The following PRPF40B variants were observed in gnomAD, a reference collection of about 807,000 sequenced individuals.
PRPF40B encodes the protein pre-mRNA processing factor 40B.
Under a neutral mutation model 124.5 loss-of-function variants are expected in PRPF40B, and 56 were observed. The observed-to-expected ratio is 0.45, with a 90% confidence interval of 0.36 to 0.56. The LOEUF is 0.56. Among genes scored for constraint, PRPF40B ranks in the 20% least tolerant of loss-of-function variants. The probability of loss-of-function intolerance (pLI) is 0.00; values close to 1 mark genes in which losing one functional copy is unlikely to be tolerated. For synonymous variants in PRPF40B, 443 were observed against 426.4 expected (o/e 1.04, Z -0.48); for missense variants, 1,053 against 1,169.5 (o/e 0.90, Z 1.45).
chr12:49,642,230 C>A lies in PRPF40B; in HGVS notation c.1885-5C>A, dbSNP rs774645544. 29 of 1,614,018 alleles carry A rather than the reference C, an allele frequency of 1.8e-5. 1 individual carries two copies. The highest frequency in any genetic ancestry group is 2.4e-5 in the Non-Finnish European group (28 of 1,180,016). ...GACCCTGTTCCGTGTCCCTTCTTTCCTCAGCTGCTGGAGAAAGCAGAGGCA... is the reference window on the plus strand; with the variant it reads ...GACCCTGTTCCGTGTCCCTTCTTTCATCAGCTGCTGGAGAAAGCAGAGGCA... On this transcript the variant is annotated splice_region_variant and splice_polypyrimidine_tract_variant and intron_variant, in intron 19 of 25. Transcript: ENST00000548825. This position sits in a 1 kb window ranked among gnomAD's most constrained non-coding sequence, Gnocchi z 5.8.
chr12:49,624,802 G>A (rs1271671441), intron 1 of PRPF40B, among the ~76,000 whole-genome samples: 3 of 149,416 alleles, frequency 2.0e-5, no homozygotes, highest in African/African-American at 7.5e-5. Context: ...CTGAGATCGC[G>A]CCATTGCACT....
chr12:49,644,058 C>T, intron 25 of PRPF40B, 42 bp from the exon 26 acceptor site: 1 of 1,614,192 alleles, frequency 6.2e-7, no homozygotes, highest in African/African-American at 1.3e-5. Context: ...TTCCACGGCC[C>T]TTAGTGCAGG....
intron 1 of PRPF40B, chr12:49,624,083 C>T: frequency 1.0e-6 from 1 of 986,596 alleles, no homozygotes; most frequent in Non-Finnish European, 1.2e-6. Context: ...TTTGCAAGAG[C>T]TTGTCTCCTG....
chr12:49,628,120 C>T (rs1337479799), intron 1 of PRPF40B, among the ~76,000 whole-genome samples: 1 of 152,126 alleles, frequency 6.6e-6, no homozygotes, highest in Non-Finnish European at 1.5e-5. Flanking sequence ...ACTTCCCATG[C>T]TGAGGAAAGC....
At chr12:49,625,956 C>G (rs1040977387) in intron 1 of PRPF40B, among the ~76,000 whole-genome samples, 1 of 152,220 alleles carries the variant, frequency 6.6e-6, no homozygotes, top group Non-Finnish European at 1.5e-5. Flanking sequence ...TTCCATTGTT[C>G]TGTCCTCTGT....
At position 49,642,618 on chromosome 12, in the gene PRPF40B, G is replaced by C; in HGVS notation, c.2061G>C (p.Gln687His). 1 of 1,614,242 alleles carries C rather than the reference G, an allele frequency of 6.2e-7. No homozygotes were observed. Among genetic ancestry groups the C allele is most frequent in the South Asian group, 1.1e-5 (1 of 91,088 alleles). Residue 687 changes from glutamine (Q) to histidine (H), a missense_variant, in exon 21 of 26, where the codon CAG becomes CAC. Gln to His is a conservative substitution (Grantham distance 24). Around this residue, in one of 2 missense-constraint regions of PRPF40B, gnomAD observed 895 missense variants for 1,052.2 expected, o/e 0.85. Coordinates refer to ENST00000548825, the MANE Select transcript of PRPF40B (RefSeq NM_001031698.3). This position sits in a 1 kb window ranked among gnomAD's most constrained non-coding sequence, Gnocchi z 5.8. ...ERFVCDSAFE[Q>H]ITLESERIRL... ...TTGTGTGTGACTCAGCCTTTGAGCA[G>C]ATCACCCTGGAGTCGGAGCGGATCC...
intron 1 of PRPF40B, among the ~76,000 whole-genome samples, chr12:49,627,283 G>T (rs1408044064): frequency 6.6e-6 from 1 of 152,026 alleles, no homozygotes; most frequent in Non-Finnish European, 1.5e-5. Context: ...GGCAGCATTT[G>T]TTTTTTATTC....
intron 5 of PRPF40B, 71 bp from the exon 6 acceptor site, chr12:49,632,784 G>T: frequency 6.2e-7 from 1 of 1,607,928 alleles, no homozygotes; most frequent in South Asian, 1.1e-5. Context: ...GCTGGAATAC[G>T]GGAGGCATAG....
rs1250879864 is a variant in PRPF40B at position 49,636,609 on chromosome 12, G to A, written c.1427-107G>A. 2.7e-6 allele frequency: 4 copies of A among 1,502,690 alleles called. No homozygotes were observed. In the African/African-American group the frequency reaches 5.5e-5, roughly 21 times the overall value. 93.1% of individuals were successfully genotyped at this position (1,502,690 alleles called of 1,614,324 possible). On this transcript the variant is annotated intron_variant, in intron 15 of 25. Coordinates refer to ENST00000548825, the MANE Select transcript of PRPF40B (RefSeq NM_001031698.3). The stretch of plus-strand genomic sequence containing the variant: ...CCAGGCCCTTCCCCCACCACCCTGG[G>A]TATCCCTAGCACCTGTAGGACAGCA...
In PRPF40B at chr12:49,631,446, C is replaced by A; in HGVS notation, c.130C>A (p.Pro44Thr). The change falls in exon 3 of 26, where the codon CCC becomes ACC. Residue 44 changes from proline to threonine, a missense_variant. Transcript: ENST00000548825. This position sits in a 1 kb window ranked among gnomAD's most constrained non-coding sequence, Gnocchi z 4.3. The part of the protein sequence containing the change: ...IPPPFPPMGL[P>T]PMSQRPPAIP... ...CCCACCCTTTCCTCCGATGGGGCTA[C>A]CCCCCATGAGTCAGAGACCACCAGC... is the stretch of plus-strand genomic sequence containing the variant. 1.4e-6 allele frequency: 2 copies of A among 1,385,322 alleles called. No homozygotes were observed. The highest frequency in any genetic ancestry group is 1.9e-6 in the Non-Finnish European group (2 of 1,032,580). 85.8% of individuals were successfully genotyped at this position (1,385,322 alleles called of 1,614,324 possible). A position where few individuals can be genotyped will look rare whatever the true frequency, so the allele number is the denominator to read the frequency against.
chr12:49,631,393 AT>A lies in PRPF40B; in HGVS notation c.85-5del. On this transcript the variant is annotated splice_polypyrimidine_tract_variant and splice_region_variant and intron_variant, in intron 2 of 25. Transcript: ENST00000548825. The surrounding 1 kb of genome is among the most constrained non-coding windows in gnomAD (Gnocchi z 4.3). ...CTGCTCAGTATCTCTTCCTTTACTC[AT>A]TTCCAGATGCCCCCTCCAGGGATCC... 1 of 1,510,326 alleles carries A rather than the reference AT, an allele frequency of 6.6e-7. No individual in the cohort carries two copies. Among genetic ancestry groups the A allele is most frequent in the Non-Finnish European group, 8.8e-7 (1 of 1,132,730 alleles). The allele number at this position is 1,510,326 out of a possible 1,614,324, so 93.6% of individuals were successfully genotyped here. A position where few individuals can be genotyped will look rare whatever the true frequency, so the allele number is the denominator to read the frequency against.
chr12:49,628,176 C>T (rs972657328), intron 1 of PRPF40B, among the ~76,000 whole-genome samples: 1 of 152,170 alleles, frequency 6.6e-6, no homozygotes, highest in Non-Finnish European at 1.5e-5. Context: ...AGCAGTTGAG[C>T]ACTTAGAAAA....
rs779858010 is a variant in PRPF40B, at chr12:49,643,676, T to A, written c.2381-15T>A. 6.2e-7 allele frequency: 1 copy of A among 1,611,760 alleles called. No homozygotes were observed. The highest frequency in any genetic ancestry group is 1.3e-5 in the African/African-American group (1 of 74,584). Reference sequence around the variant, plus strand: ...TTCTCCTGTTGGGACTTAGTAGGGATTTTTCTATCTCTAGATCATGGCCTT... The same window carrying A: ...TTCTCCTGTTGGGACTTAGTAGGGAATTTTCTATCTCTAGATCATGGCCTT... On this transcript the variant is annotated splice_polypyrimidine_tract_variant and intron_variant, in intron 23 of 25. Coordinates refer to ENST00000548825, the MANE Select transcript of PRPF40B (RefSeq NM_001031698.3).
At position 49,634,354 on chromosome 12, in the gene PRPF40B, C is replaced by G; in HGVS notation, c.835C>G (p.Gln279Glu). 3 of 1,614,210 alleles carry G rather than the reference C, an allele frequency of 1.9e-6. No individual in the cohort carries two copies. Among genetic ancestry groups the G allele is most frequent in the Non-Finnish European group, 2.5e-6 (3 of 1,180,030 alleles). The change falls in exon 11 of 26, where the codon CAG (glutamine) becomes GAG (glutamate). Residue 279 changes from glutamine to glutamate, a missense_variant. Coordinates refer to ENST00000548825, the MANE Select transcript of PRPF40B (RefSeq NM_001031698.3). Reference protein sequence around the residue: ...PSSSGQHQPQQEEEESKPEPE... With the variant: ...PSSSGQHQPQEEEEESKPEPE... ...CAGTTCTGGACAGCATCAGCCACAG[C>G]AGGAGGAGGAGGAATCAAAGCCAGA...
intron 1 of PRPF40B, 111 bp from the exon 2 acceptor site, chr12:49,630,434 C>A: frequency 2.8e-6 from 2 of 701,816 alleles, no homozygotes; most frequent in Non-Finnish European, 5.2e-6. Flanking sequence ...GGCTTGAAGA[C>A]CCTCCTGAAT....
Position 49,635,308 on chromosome 12 carries a change from C to G in PRPF40B, c.1166+45C>G, listed in dbSNP as rs372878973. On this transcript the variant is annotated intron_variant, in intron 13 of 25. Coordinates refer to ENST00000548825, the MANE Select transcript of PRPF40B (RefSeq NM_001031698.3). The surrounding 1 kb of genome is among the most constrained non-coding windows in gnomAD (Gnocchi z 4.1). Reference sequence around the variant, plus strand: ...CTGGGACTTGGGAACCCTGAGAACACAAAGGTCCAGGGTCTCTGTTCTCTG... The same window carrying G: ...CTGGGACTTGGGAACCCTGAGAACAGAAAGGTCCAGGGTCTCTGTTCTCTG... The G allele has an allele frequency of 6.2e-7, 1 of 1,608,788 alleles. No homozygotes were observed. The highest frequency in any genetic ancestry group is 1.3e-5 in the African/African-American group (1 of 74,716).
intron 18 of PRPF40B, chr12:49,639,204 G>A (rs1253035753): frequency 3.3e-5 from 5 of 152,180 alleles, no homozygotes; most frequent in Non-Finnish European, 5.9e-5. Flanking sequence ...TCTAGAGTAC[G>A]TACTTATGTC....
rs770061278 is a variant in PRPF40B, at chr12:49,633,492, C to T, written c.525C>T (p.Asn175=). ...ACACAGGCAAACCTTATTACTATAA[C>T]AACCAGAGTAAAGAGTCCCGCTGGA... is the stretch of plus-strand genomic sequence containing the variant. The part of the protein sequence containing the change: ...KSDTGKPYYY[N]NQSKESRWTR... Residue 175 remains asparagine (N), a synonymous_variant, in exon 8 of 26, where the codon AAC becomes AAT. Coordinates refer to ENST00000548825, the MANE Select transcript of PRPF40B (RefSeq NM_001031698.3). 92 of 1,614,102 alleles carry T rather than the reference C, an allele frequency of 5.7e-5. No homozygotes were observed. The highest frequency in any genetic ancestry group is 7.5e-5 in the Non-Finnish European group (89 of 1,180,040).
At chr12:49,634,669 A>G in intron 12 of PRPF40B, 67 bp downstream of exon 12, 1 of 1,589,468 alleles carries the variant, frequency 6.3e-7, no homozygotes, top group Non-Finnish European at 8.6e-7. Flanking sequence ...TCCCTAAAAA[A>G]CCCCAGCTCA....
Sources: allele counts gnomAD v4.1 joint callset (sites outside exome capture counted in the v4.1 genomes callset), GRCh38; gene constraint gnomAD v4.1.1; regional missense constraint gnomAD v4.1.1; non-coding constraint Gnocchi (gnomAD v3.1); transcripts MANE v1.5; gene names NCBI Gene and HGNC (gene_info 2026-07-23, HGNC 2026-07-21).